The following SEC22B variants were observed in gnomAD, a reference collection of about 807,000 sequenced individuals.
SEC22B encodes the protein vesicle-trafficking protein SEC22b.
Under a neutral mutation model 31.4 loss-of-function variants are expected in SEC22B, and 10 were observed. That is an observed-to-expected ratio of 0.32 (90% CI 0.20 to 0.54). The LOEUF (loss-of-function observed/expected upper bound fraction) is 0.54, where lower values mean the gene tolerates loss of function less well. Ranked by LOEUF, SEC22B falls within the 20% of genes least tolerant of loss-of-function variation. The probability of loss-of-function intolerance (pLI) is 0.94; values close to 1 mark genes in which losing one functional copy is unlikely to be tolerated. For missense variants in SEC22B, 130 were observed against 263.4 expected (o/e 0.49, Z 3.50); for synonymous variants, 60 against 95.9 (o/e 0.63, Z 2.19).
chr1:120,168,667 C>T (rs1313443602), intron 2 of SEC22B, among the ~76,000 whole-genome samples, 173 bp downstream of exon 2: 1 of 149,868 alleles, frequency 6.7e-6, no homozygotes, highest in Non-Finnish European at 1.5e-5. Flanking sequence ...TGTAAGCATG[C>T]TGAAAAAACC....
At chr1:120,176,120 C>T (rs1352964585) in intron 1 of SEC22B, among the ~76,000 whole-genome samples, 187 bp downstream of exon 1, 1 of 152,214 alleles carries the variant, frequency 6.6e-6, no homozygotes, top group Non-Finnish European at 1.5e-5. Flanking sequence ...AACTTAACTC[C>T]TCCTTCAGGA....
chr1:120,152,863 G>C lies in SEC22B; in HGVS notation c.*4175C>G, dbSNP rs1570862904. 4 of 145,608 alleles carry C rather than the reference G, an allele frequency of 2.7e-5. No individual in the cohort carries two copies. In the East Asian group the frequency reaches 7.9e-4, roughly 29 times the overall value. The allele number at this position is 145,608 out of a possible 1,614,324, so 9.0% of individuals were successfully genotyped here. On this transcript the variant is annotated 3_prime_UTR_variant, in exon 5 of 5. Coordinates refer to ENST00000578049, the MANE Select transcript of SEC22B (RefSeq NM_004892.6). ...TAATAATTTGGTATCTAGCAGGCCT[G>C]GATTTGAATCTACTTTAACTTGCTA...
intron 1 of SEC22B, among the ~76,000 whole-genome samples, chr1:120,169,355 C>T (rs1340304356): frequency 4.0e-5 from 6 of 151,892 alleles, no homozygotes; most frequent in Non-Finnish European, 7.4e-5. Context: ...GTTGGAATAT[C>T]CAGCAGAACC....
At chr1:120,160,115 G>GTTATATAAT (rs1362433382) in intron 4 of SEC22B, among the ~76,000 whole-genome samples, 1 of 148,118 alleles carries the variant, frequency 6.8e-6, no homozygotes, top group African/African-American at 2.6e-5. Flanking sequence ...ATTTATACAA[G>GTTATATAAT]TTATATAATT....
intron 3 of SEC22B, among the ~76,000 whole-genome samples, chr1:120,161,033 G>A (rs1391034077): frequency 7.1e-4 from 108 of 152,218 alleles, no homozygotes; most frequent in Non-Finnish European, 1.3e-3. Context: ...ATAATTAGAC[G>A]ACCATTCAGG....
In SEC22B at chr1:120,176,441, C is replaced by T; in HGVS notation, c.-60G>A. The T allele has an allele frequency of 2.0e-6, 3 of 1,468,656 alleles. No individual in the cohort carries two copies. The highest frequency in any genetic ancestry group is 2.3e-5 in the South Asian group (2 of 86,486). The allele number at this position is 1,468,656 out of a possible 1,614,324, so 91.0% of individuals were successfully genotyped here. A position where few individuals can be genotyped will look rare whatever the true frequency, so the allele number is the denominator to read the frequency against. The stretch of plus-strand genomic sequence containing the variant: ...AAGGCCCTTGGCGCCGTCCTCACTT[C>T]CTCCGCCGCGACAACAGTTATACCC... On this transcript the variant is annotated 5_prime_UTR_variant, in exon 1 of 5. Coordinates refer to ENST00000578049, the MANE Select transcript of SEC22B (RefSeq NM_004892.6).
At chr1:120,163,970 G>T (rs1237580296) in intron 2 of SEC22B, among the ~76,000 whole-genome samples, 4,752 of 51,806 alleles carry the variant, frequency 0.092, no homozygotes, top group South Asian at 0.11. Flanking sequence ...TTTTTTTTTT[G>T]GAGACAGGGC....
In SEC22B at chr1:120,152,412, A is replaced by ATC. The variant is rs1553228867; in HGVS notation, c.*4624_*4625dup. 6.7e-6 allele frequency: 1 copy of ATC among 149,758 alleles called. No homozygotes were observed. The highest frequency in any genetic ancestry group is 1.5e-5 in the Non-Finnish European group (1 of 67,688). The allele number at this position is 149,758 out of a possible 1,614,324, so 9.3% of individuals were successfully genotyped here. On this transcript the variant is annotated 3_prime_UTR_variant, in exon 5 of 5. Coordinates refer to ENST00000578049, the MANE Select transcript of SEC22B (RefSeq NM_004892.6). ...ACATTAACTCATATGTCAAAACAAC[A>ATC]TCTAGAGAAACAAAAAATGAAAGTA...
Position 120,154,024 on chromosome 1 carries a change from C to T in SEC22B, c.*3014G>A, listed in dbSNP as rs1373641126. 11 of 151,204 alleles carry T rather than the reference C, an allele frequency of 7.3e-5. No individual in the cohort carries two copies. In the East Asian group the frequency reaches 7.8e-4, roughly 11 times the overall value. The allele number at this position is 151,204 out of a possible 1,614,324, so 9.4% of individuals were successfully genotyped here. ...AATTAAAACAAGCCATGAAGTTCAGCGTCACAATAACCAGAAAAGCACTTG... is the reference window on the plus strand; with the variant it reads ...AATTAAAACAAGCCATGAAGTTCAGTGTCACAATAACCAGAAAAGCACTTG... On this transcript the variant is annotated 3_prime_UTR_variant, in exon 5 of 5. Coordinates refer to ENST00000578049, the MANE Select transcript of SEC22B (RefSeq NM_004892.6).
Position 120,154,022 on chromosome 1 carries a change from A to T in SEC22B, c.*3016T>A, listed in dbSNP as rs372939851. 4 of 151,456 alleles carry T rather than the reference A, an allele frequency of 2.6e-5. No individual in the cohort carries two copies. Among genetic ancestry groups the T allele is most frequent in the South Asian group, 4.2e-4 (2 of 4,804 alleles). 9.4% of individuals were successfully genotyped at this position (151,456 alleles called of 1,614,324 possible). A position where few individuals can be genotyped will look rare whatever the true frequency, so the allele number is the denominator to read the frequency against. On this transcript the variant is annotated 3_prime_UTR_variant, in exon 5 of 5. Coordinates refer to ENST00000578049, the MANE Select transcript of SEC22B (RefSeq NM_004892.6). Reference sequence around the variant, plus strand: ...TTAATTAAAACAAGCCATGAAGTTCAGCGTCACAATAACCAGAAAAGCACT... The same window carrying T: ...TTAATTAAAACAAGCCATGAAGTTCTGCGTCACAATAACCAGAAAAGCACT...
At position 120,156,833 on chromosome 1, in the gene SEC22B, C is replaced by G. The variant is rs1406122936; in HGVS notation, c.*205G>C. The G allele has an allele frequency of 7.6e-4, 287 of 377,888 alleles. 1 individual carries two copies. The highest frequency in any genetic ancestry group is 5.6e-3 in the African/African-American group (271 of 48,254). 23.4% of individuals were successfully genotyped at this position (377,888 alleles called of 1,614,324 possible). On this transcript the variant is annotated 3_prime_UTR_variant, in exon 5 of 5. Transcript: ENST00000578049. ...GCTTGGCACCCAGAGAAAGCCTCTG[C>G]CCCCGAAAGAGACTTTCTACATAGG...
chr1:120,156,767 A>G lies in SEC22B; in HGVS notation c.*271T>C. ...CTGTTTTTAAAATGCACTGGGAGGG[A>G]AAAAACGAAATTAACAATCTACTAT... On this transcript the variant is annotated 3_prime_UTR_variant, in exon 5 of 5. Transcript: ENST00000578049. 3.7e-6 allele frequency: 1 copy of G among 270,838 alleles called. No homozygotes were observed. The highest frequency in any genetic ancestry group is 6.3e-5 in the East Asian group (1 of 15,834). The allele number at this position is 270,838 out of a possible 1,614,324, so 16.8% of individuals were successfully genotyped here.
At chr1:120,160,837 C>T (rs1239597829) in intron 3 of SEC22B, among the ~76,000 whole-genome samples, 15 of 151,208 alleles carry the variant, frequency 9.9e-5, no homozygotes, top group Non-Finnish European at 1.8e-4. Flanking sequence ...TGCAGTGAGC[C>T]GAGATCACAC....
intron 1 of SEC22B, among the ~76,000 whole-genome samples, chr1:120,171,464 T>C (rs1325335232): frequency 3.8e-5 from 4 of 105,700 alleles, no homozygotes; most frequent in Non-Finnish European, 6.7e-5. Context: ...TGGGGATGTA[T>C]TTATAGGGAT....
intron 2 of SEC22B, among the ~76,000 whole-genome samples, chr1:120,163,966 T>C (rs1205186943): frequency 6.8e-6 from 1 of 145,988 alleles, no homozygotes; most frequent in Non-Finnish European, 1.5e-5. Context: ...TTTTTTTTTT[T>C]TTTGGAGACA....
At position 120,156,027 on chromosome 1, in the gene SEC22B, TTTTTA is replaced by T. The variant is rs1393254239; in HGVS notation, c.*1006_*1010del. ...TTTAATTAACTACATAGATGAATAT[TTTTTA>T]TTTTGAAATTTGAGAATGTCCTAAG... On this transcript the variant is annotated 3_prime_UTR_variant, in exon 5 of 5. Coordinates refer to ENST00000578049, the MANE Select transcript of SEC22B (RefSeq NM_004892.6). 1 of 152,182 alleles carries T rather than the reference TTTTTA, an allele frequency of 6.6e-6. No homozygotes were observed. Among genetic ancestry groups the T allele is most frequent in the Admixed American group, 6.6e-5 (1 of 15,262 alleles). 9.4% of individuals were successfully genotyped at this position (152,182 alleles called of 1,614,324 possible).
At position 120,155,814 on chromosome 1, in the gene SEC22B, T is replaced by A. The variant is rs1445064860; in HGVS notation, c.*1224A>T. On this transcript the variant is annotated 3_prime_UTR_variant, in exon 5 of 5. Transcript: ENST00000578049. ...GGTAAAAGGAAATCTCCATCATCCC[T>A]GAGCAGAAAAGGAAAAAATCATGGG... The A allele has an allele frequency of 6.6e-6, 1 of 152,036 alleles. No individual in the cohort carries two copies. Among genetic ancestry groups the A allele is most frequent in the East Asian group, 1.9e-4 (1 of 5,188 alleles). The allele number at this position is 152,036 out of a possible 1,614,324, so 9.4% of individuals were successfully genotyped here. A position where few individuals can be genotyped will look rare whatever the true frequency, so the allele number is the denominator to read the frequency against.
chr1:120,166,200 T>C (rs1280420675), intron 2 of SEC22B, among the ~76,000 whole-genome samples: 2 of 141,226 alleles, frequency 1.4e-5, no homozygotes, highest in Admixed American at 6.8e-5. Context: ...TATGGAGGTT[T>C]CTCAAAAAAC....
At position 120,154,857 on chromosome 1, in the gene SEC22B, TCTTAA is replaced by T. The variant is rs1294800618; in HGVS notation, c.*2176_*2180del. 7.5e-6 allele frequency: 1 copy of T among 133,696 alleles called. No homozygotes were observed. The highest frequency in any genetic ancestry group is 1.6e-5 in the Non-Finnish European group (1 of 62,310). 8.3% of individuals were successfully genotyped at this position (133,696 alleles called of 1,614,324 possible). On this transcript the variant is annotated 3_prime_UTR_variant, in exon 5 of 5. Transcript: ENST00000578049. ...CATTCTCCTTCTCTAGAAAGTCTTC[TCTTAA>T]CATACTTCTTCCCAAAATAAATTAG...
Sources: gnomAD v4.1 joint callset for allele counts (sites outside exome capture counted in the v4.1 genomes callset) on GRCh38, gnomAD v4.1.1 for gene constraint, MANE v1.5 for transcripts, NCBI Gene and HGNC (gene_info 2026-07-23, HGNC 2026-07-21) for gene names.